ZNF704: variants seen among roughly 807,000 people sequenced by gnomAD.
ZNF704 encodes the protein zinc finger protein 704.
ZNF704 carries 10 observed loss-of-function variants against 44.7 expected under a neutral mutation model. That is an observed-to-expected ratio of 0.22 (90% CI 0.14 to 0.38). The LOEUF (loss-of-function observed/expected upper bound fraction) is 0.38. ZNF704 is among the 10% of genes least tolerant of loss of function. The pLI, the probability that ZNF704 is intolerant of heterozygous loss-of-function variation, is 1.00. For synonymous variants in ZNF704, 211 were observed against 207.6 expected (o/e 1.02, Z -0.14); for missense variants, 390 against 545.5 (o/e 0.71, Z 2.84).
intron 2 of ZNF704, among the ~76,000 whole-genome samples, chr8:80,797,272 C>G (rs1807821913): frequency 6.6e-6 from 1 of 152,204 alleles, no homozygotes; most frequent in Non-Finnish European, 1.5e-5. Context: ...TGGCCCTGCT[C>G]TCACAGCTCC....
chr8:80,855,266 G>A (rs1329702983), intron 1 of ZNF704, among the ~76,000 whole-genome samples: 1 of 152,104 alleles, frequency 6.6e-6, no homozygotes, highest in Non-Finnish European at 1.5e-5. Context: ...GTCTTTTGAT[G>A]AGTAAAAGTG....
intron 2 of ZNF704, among the ~76,000 whole-genome samples, chr8:80,769,665 G>A (rs1232006659): frequency 6.6e-6 from 1 of 152,172 alleles, no homozygotes; most frequent in African/African-American, 2.4e-5. Context: ...GGACCTTGTT[G>A]TACATACTGC....
At chr8:80,649,314 G>C (rs1013684528) in intron 7 of ZNF704, among the ~76,000 whole-genome samples, 3 of 152,064 alleles carry the variant, frequency 2.0e-5, no homozygotes, top group African/African-American at 7.2e-5. Context: ...TCAGATAGTG[G>C]GTGCACGACA....
At chr8:80,745,113 C>T (rs1023116867) in intron 2 of ZNF704, among the ~76,000 whole-genome samples, 3 of 152,138 alleles carry the variant, frequency 2.0e-5, no homozygotes, top group Admixed American at 6.6e-5. Context: ...TTCCTACAAC[C>T]TCCTGCAGCA....
intron 1 of ZNF704, chr8:80,873,588 G>C (rs894410716): frequency 6.6e-6 from 1 of 151,870 alleles, no homozygotes; most frequent in African/African-American, 2.4e-5. Flanking sequence ...GCGTGGCCGG[G>C]TCCGAGGGGC....
At chr8:80,785,538 T>C (rs1036559186) in intron 2 of ZNF704, among the ~76,000 whole-genome samples, 1 of 152,208 alleles carries the variant, frequency 6.6e-6, no homozygotes, top group Admixed American at 6.5e-5. Context: ...AAATCATTTA[T>C]TTATATACAT....
chr8:80,757,043 T>G (rs1807047290), intron 2 of ZNF704, among the ~76,000 whole-genome samples: 1 of 152,262 alleles, frequency 6.6e-6, no homozygotes, highest in East Asian at 1.9e-4. Flanking sequence ...TCCTATTGAC[T>G]AGTACTTACC....
chr8:80,790,254 G>T (rs541637380), intron 2 of ZNF704, among the ~76,000 whole-genome samples: 15 of 152,312 alleles, frequency 9.8e-5, no homozygotes, highest in African/African-American at 3.4e-4. Context: ...CACCTCAGGG[G>T]ATTTTAATGT....
chr8:80,806,819 C>G (rs1807998293), intron 2 of ZNF704, among the ~76,000 whole-genome samples: 1 of 152,190 alleles, frequency 6.6e-6, no homozygotes, highest in Non-Finnish European at 1.5e-5. Context: ...AGAGCAGCAT[C>G]CTTCATGGCA....
intron 2 of ZNF704, among the ~76,000 whole-genome samples, chr8:80,739,895 C>T (rs116387656): frequency 0.02 from 3,056 of 152,246 alleles, 113 homozygotes; most frequent in African/African-American, 0.07. Context: ...GAAAGTCCTC[C>T]GAGTCAGAAG....
At chr8:80,861,968 T>C (rs1457487336) in intron 1 of ZNF704, among the ~76,000 whole-genome samples, 4 of 150,184 alleles carry the variant, frequency 2.7e-5, no homozygotes, top group Non-Finnish European at 4.4e-5. Flanking sequence ...GCCATGTGGT[T>C]GAACAAGATA....
intron 2 of ZNF704, chr8:80,812,703 A>G (rs1333016595): frequency 6.6e-6 from 1 of 152,206 alleles, no homozygotes; most frequent in African/African-American, 2.4e-5. Context: ...ATGGAGTTCA[A>G]TGTACCTCAA....
chr8:80,788,447 A>G (rs572420217), intron 2 of ZNF704, among the ~76,000 whole-genome samples: 13 of 152,344 alleles, frequency 8.5e-5, no homozygotes, highest in South Asian at 6.2e-4. Context: ...CTAAAAAATT[A>G]TATCTCCTAG....
chr8:80,856,363 A>T (rs951732504), intron 1 of ZNF704, among the ~76,000 whole-genome samples: 2 of 152,180 alleles, frequency 1.3e-5, no homozygotes, highest in African/African-American at 4.8e-5. Flanking sequence ...AAATGCTAAA[A>T]TGATGACCTA....
chr8:80,869,302 C>T (rs1317652858), intron 1 of ZNF704, among the ~76,000 whole-genome samples: 2 of 152,244 alleles, frequency 1.3e-5, no homozygotes, highest in African/African-American at 4.8e-5. Flanking sequence ...TCACAAACCT[C>T]AGTTGCGTCC....
At chr8:80,667,658 T>C (rs563768745) in intron 5 of ZNF704, among the ~76,000 whole-genome samples, 2 of 152,328 alleles carry the variant, frequency 1.3e-5, no homozygotes, top group South Asian at 4.1e-4. Context: ...ATCGGTGTAT[T>C]TGGCAGAGGG....
At chr8:80,819,022 A>G (rs1245950655) in intron 2 of ZNF704, among the ~76,000 whole-genome samples, 1 of 152,112 alleles carries the variant, frequency 6.6e-6, no homozygotes, top group Non-Finnish European at 1.5e-5. Flanking sequence ...CTGCTGGCAC[A>G]CTGTATTTAT....
chr8:80,782,409 G>A (rs1478052178), intron 2 of ZNF704, among the ~76,000 whole-genome samples: 2 of 152,178 alleles, frequency 1.3e-5, no homozygotes, highest in African/African-American at 4.8e-5. Context: ...AGGATAAAAG[G>A]CCTCAGGGAT....
intron 2 of ZNF704, among the ~76,000 whole-genome samples, chr8:80,716,878 C>A (rs1819080432): frequency 6.6e-6 from 1 of 152,320 alleles, no homozygotes; most frequent in Non-Finnish European, 1.5e-5. Flanking sequence ...CTGTCAGAAA[C>A]AATACCTAAG....
Sources: gnomAD v4.1 joint callset for allele counts (sites outside exome capture counted in the v4.1 genomes callset) on GRCh38, gnomAD v4.1.1 for gene constraint, MANE v1.5 for transcripts, NCBI Gene and HGNC (gene_info 2026-07-23, HGNC 2026-07-21) for gene names.